ZNF710: variants seen among roughly 807,000 people sequenced by gnomAD.
ZNF710 encodes the protein zinc finger protein 710.
ZNF710 carries 13 observed loss-of-function variants against 50.6 expected under a neutral mutation model. That is an observed-to-expected ratio of 0.26 (90% CI 0.17 to 0.41). The LOEUF is 0.41. ZNF710 is among the 10% of genes least tolerant of loss of function. The pLI is 1.00. For missense variants in ZNF710, 721 were observed against 936.6 expected (o/e 0.77, Z 3.01); for synonymous variants, 383 against 397.0 (o/e 0.96, Z 0.42).
At position 90,046,059 on chromosome 15, in the gene ZNF710, C is replaced by T. The variant is rs893729109; in HGVS notation, c.-28-21051C>T. ...CCGTCCAGCCAGGGTTCCCAGGGGC[C>T]CCAGGAAAAGGCATGGTCTCTGGGG... On this transcript the variant is annotated intron_variant, in intron 1 of 4. Coordinates refer to ENST00000268154, the MANE Select transcript of ZNF710 (RefSeq NM_198526.4). Among the ~76,000 whole-genome samples the T allele has an allele frequency of 1.3e-5, 2 of 152,160 alleles. 1 individual carries two copies. The highest frequency in any genetic ancestry group is 6.8e-3 in the Middle Eastern group (2 of 294).
chr15:90,018,802 A>G (rs920245283), intron 1 of ZNF710, among the ~76,000 whole-genome samples: 1 of 152,116 alleles, frequency 6.6e-6, no homozygotes, highest in Non-Finnish European at 1.5e-5. Context: ...CTTCTGGAGG[A>G]TTCTAATTTC....
chr15:90,030,733 T>A (rs970761996), intron 1 of ZNF710, among the ~76,000 whole-genome samples: 8 of 151,084 alleles, frequency 5.3e-5, no homozygotes, highest in Non-Finnish European at 8.9e-5. Flanking sequence ...AAAAAAAAAA[T>A]TGGCTGGGCG....
At chr15:90,021,360 C>T (rs988726200) in intron 1 of ZNF710, among the ~76,000 whole-genome samples, 2 of 152,224 alleles carry the variant, frequency 1.3e-5, no homozygotes, top group Non-Finnish European at 2.9e-5. Flanking sequence ...TGATGACCCA[C>T]AGCCTCCCCA....
intron 1 of ZNF710, among the ~76,000 whole-genome samples, chr15:90,027,667 C>T (rs963822551): frequency 6.6e-6 from 1 of 151,986 alleles, no homozygotes; most frequent in Admixed American, 6.6e-5. Context: ...GCCTGGCCAA[C>T]ATGGCAAAAC....
Position 90,062,341 on chromosome 15 carries a change from C to G in ZNF710, c.-28-4769C>G, listed in dbSNP as rs191545744. Among the ~76,000 whole-genome samples, 168 of 152,264 alleles carry G rather than the reference C, an allele frequency of 1.1e-3. No homozygotes were observed. The highest frequency in any genetic ancestry group is 1.5e-3 in the Non-Finnish European group (104 of 68,020). ...TTGACTTTCTCCCCACCCTGGGGAC[C>G]GAGGGCATCCTGGTGGGAGGCCACG... On this transcript the variant is annotated intron_variant, in intron 1 of 4. Coordinates refer to ENST00000268154, the MANE Select transcript of ZNF710 (RefSeq NM_198526.4). This position sits in a 1 kb window ranked among gnomAD's most constrained non-coding sequence, Gnocchi z 5.6.
In ZNF710 at chr15:90,061,108, A is replaced by G. The variant is rs192274907; in HGVS notation, c.-28-6002A>G. Among the ~76,000 whole-genome samples, 40 of 151,840 alleles carry G rather than the reference A, an allele frequency of 2.6e-4. No homozygotes were observed. The East Asian group carries it at 4.3e-3, about 16-fold the overall frequency. On this transcript the variant is annotated intron_variant, in intron 1 of 4. Transcript: ENST00000268154. ...AAGCCTGGCCTGGCAGAAGCCCCAG[A>G]CCTCTGTCTATTGGTTGTTTTTGTT...
At chr15:90,044,799 C>G (rs974385933) in intron 1 of ZNF710, among the ~76,000 whole-genome samples, 7 of 152,166 alleles carry the variant, frequency 4.6e-5, no homozygotes, top group Non-Finnish European at 7.4e-5. Flanking sequence ...TGGCTCCTCT[C>G]CTGTGTGCAT....
intron 1 of ZNF710, among the ~76,000 whole-genome samples, chr15:90,060,977 G>C (rs2151518734): frequency 6.6e-6 from 1 of 152,344 alleles, no homozygotes; most frequent in African/African-American, 2.4e-5. Context: ...TGCCTTCCAG[G>C]ATAAGTTCGA....
chr15:90,049,116 G>A (rs1278076256), intron 1 of ZNF710, among the ~76,000 whole-genome samples: 2 of 152,312 alleles, frequency 1.3e-5, no homozygotes, highest in Admixed American at 6.5e-5. Flanking sequence ...ATATTGTGGT[G>A]TAAAGGCTTA....
At chr15:90,072,451 G>A (rs1238312286) in intron 2 of ZNF710, among the ~76,000 whole-genome samples, 1 of 152,186 alleles carries the variant, frequency 6.6e-6, no homozygotes, top group Non-Finnish European at 1.5e-5. Context: ...TTCAAGAGAT[G>A]AGTGGATAGG....
At chr15:90,064,980 C>G (rs1900121432) in intron 1 of ZNF710, among the ~76,000 whole-genome samples, 1 of 152,132 alleles carries the variant, frequency 6.6e-6, no homozygotes, top group Admixed American at 6.5e-5. Context: ...TCGAGGTCCT[C>G]GCTGACTGCA....
intron 4 of ZNF710, chr15:90,075,594 G>C (rs1290988781): frequency 6.6e-6 from 1 of 152,224 alleles, no homozygotes; most frequent in Non-Finnish European, 1.5e-5. Flanking sequence ...CAGTAACCAG[G>C]TGAGCTGACT....
At position 90,038,707 on chromosome 15, in the gene ZNF710, CTGTGTGTG is replaced by C. The variant is rs144152063; in HGVS notation, c.-28-28376_-28-28369del. On this transcript the variant is annotated intron_variant, in intron 1 of 4. Coordinates refer to ENST00000268154, the MANE Select transcript of ZNF710 (RefSeq NM_198526.4). ...TTTAATCTAGAACAGCCTCCCTGCTCTGTGTGTGTGTGTGTGTGTGTGTGTGTGTGTGT... is the reference window on the plus strand; with the variant it reads ...TTTAATCTAGAACAGCCTCCCTGCTCTGTGTGTGTGTGTGTGTGTGTGTGT... Among the ~76,000 whole-genome samples, 9 of 143,680 alleles carry C rather than the reference CTGTGTGTG, an allele frequency of 6.3e-5. No individual in the cohort carries two copies. The South Asian group carries it at 9.1e-4, about 15-fold the overall frequency. The allele number at this position is 143,680 out of a possible 152,430, so 94.3% of individuals were successfully genotyped here. A position where few individuals can be genotyped will look rare whatever the true frequency, so the allele number is the denominator to read the frequency against.
intron 2 of ZNF710, among the ~76,000 whole-genome samples, chr15:90,072,263 G>T (rs564856117): frequency 6.6e-6 from 1 of 152,278 alleles, no homozygotes; most frequent in Admixed American, 6.5e-5. Flanking sequence ...GTCTCCTGGG[G>T]GTGAATAGCC....
intron 1 of ZNF710, among the ~76,000 whole-genome samples, chr15:90,008,669 T>C (rs1488491983): frequency 1.3e-5 from 2 of 150,816 alleles, no homozygotes; most frequent in Non-Finnish European, 2.9e-5. Flanking sequence ...TAGTCCCAGC[T>C]ACTTAAGAGA....
At chr15:90,005,217 A>G (rs191960402) in intron 1 of ZNF710, among the ~76,000 whole-genome samples, 250 of 152,248 alleles carry the variant, frequency 1.6e-3, no homozygotes, top group African/African-American at 5.8e-3. Context: ...CTCAGTAGAT[A>G]CTTGCTGAAT....
At chr15:90,074,808 A>G (rs1411201335) in intron 4 of ZNF710, 11 of 327,430 alleles carry the variant, frequency 3.4e-5, no homozygotes, top group Middle Eastern at 1.1e-3. Flanking sequence ...TCCCAACTCC[A>G]AGTACACCAT....
chr15:90,007,082 T>C (rs1040449928), intron 1 of ZNF710, among the ~76,000 whole-genome samples: 3 of 152,166 alleles, frequency 2.0e-5, no homozygotes, highest in Non-Finnish European at 4.4e-5. Context: ...GAAGATGGGC[T>C]GAACCATCAG....
At chr15:90,060,643 C>G (rs967186718) in intron 1 of ZNF710, among the ~76,000 whole-genome samples, 13 of 152,146 alleles carry the variant, frequency 8.5e-5, no homozygotes, top group African/African-American at 3.1e-4. Context: ...CACCTGAGGT[C>G]AGGAGTTCGA....
Sources: allele counts gnomAD v4.1 joint callset (sites outside exome capture counted in the v4.1 genomes callset), GRCh38; gene constraint gnomAD v4.1.1; non-coding constraint Gnocchi (gnomAD v3.1); transcripts MANE v1.5; gene names NCBI Gene and HGNC (gene_info 2026-07-23, HGNC 2026-07-21).